The following SRGN variants were observed in gnomAD, a reference collection of about 807,000 sequenced individuals.
The protein encoded by SRGN is hematopoetic proteoglycan core peptide.
Under a neutral mutation model 9.5 loss-of-function variants are expected in SRGN, and 2 were observed. That is an observed-to-expected ratio of 0.21 (90% CI 0.09 to 0.66). The LOEUF is 0.66. Among genes scored for constraint, SRGN ranks in the 30% least tolerant of loss-of-function variants. SRGN has a pLI of 0.83. For synonymous variants in SRGN, 59 were observed against 72.3 expected, an observed-to-expected ratio of 0.82 and a Z score of 0.93; for missense variants, 170 against 192.4, an observed-to-expected ratio of 0.88 and a Z score of 0.69.
chr10:69,091,879 CAAAAAAAAAAAAAAAAAAA>C (rs1177012248), intron 1 of SRGN, among the ~76,000 whole-genome samples: 2 of 31,770 alleles, frequency 6.3e-5, no homozygotes, highest in African/African-American at 2.1e-4. Context: ...GACTCTGTCT[CAAAAAAAAAAAAAAAAAAA>C]AAAAAAAAAA....
intron 2 of SRGN, 130 bp downstream of exon 2, chr10:69,097,361 A>G (rs1840196495): frequency 1.4e-5 from 9 of 654,990 alleles, no homozygotes; most frequent in South Asian, 4.2e-5. Flanking sequence ...CCTGGGTTCA[A>G]GCGATTCTCC....
intron 1 of SRGN, 53 bp downstream of exon 1, chr10:69,088,289 C>T: frequency 1.4e-6 from 2 of 1,408,014 alleles, no homozygotes; most frequent in Non-Finnish European, 2.0e-6. Flanking sequence ...GCCCTGTGGT[C>T]CATGCAAGTC....
At chr10:69,088,093 G>GCA, upstream of SRGN, 1 of 1,372,330 alleles carries the variant, frequency 7.3e-7, no homozygotes, top group East Asian at 2.3e-5. Flanking sequence ...GGGACAGAGA[G>GCA]CACCCTGCTA....
In SRGN at chr10:69,103,928, A is replaced by G. The variant is rs767012641; in HGVS notation, c.285A>G (p.Gly95=). The G allele has an allele frequency of 1.2e-6, 2 of 1,614,156 alleles. No individual in the cohort carries two copies. Among genetic ancestry groups the G allele is most frequent in the African/African-American group, 1.3e-5 (1 of 75,048 alleles). Residue 95 remains glycine, a synonymous_variant, in exon 3 of 3, where the codon GGA becomes GGG. Coordinates refer to ENST00000242465, the MANE Select transcript of SRGN (RefSeq NM_002727.4). ...TCCCACTTTCTGAGGACTACTCTGG[A>G]TCAGGCTTCGGCTCCGGCTCCGGCT... is the stretch of plus-strand genomic sequence containing the variant. ...RIFPLSEDYS[G]SGFGSGSGSG... is the part of the protein sequence containing the mutation.
intron 1 of SRGN, among the ~76,000 whole-genome samples, chr10:69,094,331 A>G (rs1292934143): frequency 1.3e-5 from 2 of 152,224 alleles, no homozygotes; most frequent in African/African-American, 4.8e-5. Context: ...TATAGTTACA[A>G]AGAAAAGAAA....
intron 1 of SRGN, among the ~76,000 whole-genome samples, chr10:69,090,566 C>T (rs1312709575): frequency 2.0e-5 from 3 of 152,120 alleles, no homozygotes; most frequent in East Asian, 1.9e-4. Flanking sequence ...TCCATGCATC[C>T]GTGTCTTAAT....
At chr10:69,099,468 T>TA (rs940128543) in intron 2 of SRGN, among the ~76,000 whole-genome samples, 36 of 152,006 alleles carry the variant, frequency 2.4e-4, no homozygotes, top group Admixed American at 6.5e-4. Context: ...CCCATCTAAT[T>TA]AAAAAAATTT....
chr10:69,097,920 G>A (rs551393229), intron 2 of SRGN, among the ~76,000 whole-genome samples: 3 of 152,172 alleles, frequency 2.0e-5, no homozygotes, highest in East Asian at 1.9e-4. Flanking sequence ...AGATGTGGGA[G>A]TGTTTTTCTT....
intron 2 of SRGN, among the ~76,000 whole-genome samples, chr10:69,102,107 T>C (rs1840305063): frequency 6.6e-6 from 1 of 151,984 alleles, no homozygotes; most frequent in Admixed American, 6.6e-5. Flanking sequence ...GAGGCTTCCA[T>C]GCCCTGCCTT....
intron 1 of SRGN, among the ~76,000 whole-genome samples, chr10:69,094,624 T>C (rs1461719406): frequency 6.6e-6 from 1 of 152,176 alleles, no homozygotes; most frequent in Non-Finnish European, 1.5e-5. Flanking sequence ...TGAGACAGTC[T>C]CGCTGTGTCA....
In SRGN at chr10:69,101,893, A is replaced by G. The variant is rs140067545; in HGVS notation, c.228-1978A>G. On this transcript the variant is annotated intron_variant, in intron 2 of 2. Coordinates refer to ENST00000242465, the MANE Select transcript of SRGN (RefSeq NM_002727.4). ...TAGTGAGACCCTATCTACAAAAAAT[A>G]GAAAAATTAGCCGGGCGTTGTGACT... Among the ~76,000 whole-genome samples, 355 of 152,288 alleles carry G rather than the reference A, an allele frequency of 2.3e-3. 2 individuals are homozygous for G. Among genetic ancestry groups the G allele is most frequent in the African/African-American group, 8.3e-3 (345 of 41,556 alleles).
intron 1 of SRGN, among the ~76,000 whole-genome samples, chr10:69,090,202 C>T (rs982489466): frequency 1.3e-5 from 2 of 152,152 alleles, no homozygotes; most frequent in African/African-American, 4.8e-5. Flanking sequence ...TGTGAAGAGT[C>T]GTGACACCAT....
intron 1 of SRGN, among the ~76,000 whole-genome samples, chr10:69,092,714 A>T (rs1840089607): frequency 6.6e-6 from 1 of 151,714 alleles, no homozygotes; most frequent in African/African-American, 2.4e-5. Flanking sequence ...GAATCACTTG[A>T]ACCTGGGAGG....
intron 2 of SRGN, among the ~76,000 whole-genome samples, chr10:69,102,765 G>T (rs964702538): frequency 6.6e-6 from 1 of 152,174 alleles, no homozygotes; most frequent in Non-Finnish European, 1.5e-5. Context: ...GTCATTTTTT[G>T]ATAGGAAATT....
chr10:69,094,934 G>T (rs1025783900), intron 1 of SRGN, among the ~76,000 whole-genome samples: 2 of 150,560 alleles, frequency 1.3e-5, no homozygotes, highest in African/African-American at 4.9e-5. Context: ...AAAAAAAAAA[G>T]TTTTTGCCTA....
At chr10:69,095,908 T>A (rs1478760421) in intron 1 of SRGN, among the ~76,000 whole-genome samples, 1 of 62,786 alleles carries the variant, frequency 1.6e-5, no homozygotes, top group African/African-American at 3.5e-5. Flanking sequence ...CAAGACTCTC[T>A]CTCAATAAAA....
chr10:69,095,129 G>T (rs1305297976), intron 1 of SRGN, among the ~76,000 whole-genome samples: 5 of 151,298 alleles, frequency 3.3e-5, no homozygotes, highest in African/African-American at 4.9e-5. Context: ...CCAACATGGT[G>T]AAACCCCATC....
At chr10:69,096,699 G>A (rs2805907) in intron 1 of SRGN, among the ~76,000 whole-genome samples, 74,872 of 152,016 alleles carry the variant, frequency 0.49, 20,605 homozygotes, top group Middle Eastern at 0.7. Flanking sequence ...GGGCGGGTGG[G>A]GTGCAGTTGC....
intron 2 of SRGN, among the ~76,000 whole-genome samples, chr10:69,100,323 G>A (rs1027799614): frequency 1.7e-4 from 26 of 152,182 alleles, no homozygotes; most frequent in Admixed American, 1.3e-3. Flanking sequence ...GCTTGATCCT[G>A]AGAGGTCAAG....
Sources: allele counts gnomAD v4.1 joint callset (sites outside exome capture counted in the v4.1 genomes callset), GRCh38; gene constraint gnomAD v4.1.1; transcripts MANE v1.5; gene names NCBI Gene and HGNC (gene_info 2026-07-23, HGNC 2026-07-21).